The following PTK2 variants were observed in gnomAD, a reference collection of about 807,000 sequenced individuals.
PTK2 encodes focal adhesion kinase 1.
A neutral mutation model predicts 150.1 loss-of-function variants in PTK2; 45 were observed. The observed-to-expected ratio is 0.30, with a 90% CI of 0.24 to 0.38. The LOEUF (loss-of-function observed/expected upper bound fraction) is 0.38. Ranked by LOEUF, PTK2 falls within the 10% of genes least tolerant of loss-of-function variation. PTK2 has a pLI of 1.00. For missense variants in PTK2, 919 were observed against 1,307.3 expected (o/e 0.70, Z 4.58); for synonymous variants, 432 against 449.2 (o/e 0.96, Z 0.48).
chr8:140,974,881 G>A (rs2100188700), intron 1 of PTK2, among the ~76,000 whole-genome samples: 1 of 151,938 alleles, frequency 6.6e-6, no homozygotes, highest in South Asian at 2.1e-4. Context: ...AAAAAATTAA[G>A]AGCAAAAAGA....
At chr8:140,957,150 T>C (rs552066976) in intron 1 of PTK2, among the ~76,000 whole-genome samples, 9 of 152,208 alleles carry the variant, frequency 5.9e-5, no homozygotes, top group South Asian at 2.1e-4. Context: ...AAAGAAAATA[T>C]TGGCTAGGTG....
At chr8:140,669,340 T>TATATACATATATATATATATAC (rs1377363515) in intron 29 of PTK2, 2 of 132,858 alleles carry the variant, frequency 1.5e-5, no homozygotes, top group African/African-American at 6.0e-5. Context: ...TATATATATA[T>TATATACATATATATATATATAC]ACACTTTTTA....
intron 12 of PTK2, among the ~76,000 whole-genome samples, chr8:140,798,277 T>C (rs1017630833): frequency 6.6e-6 from 1 of 152,186 alleles, no homozygotes; most frequent in Non-Finnish European, 1.5e-5. Context: ...TATAATCCAC[T>C]AAAGATGTTT....
chr8:140,685,952 C>T (rs1440382846), intron 27 of PTK2, among the ~76,000 whole-genome samples: 1 of 152,194 alleles, frequency 6.6e-6, no homozygotes, highest in Non-Finnish European at 1.5e-5. Flanking sequence ...CATCACAGCA[C>T]TGTTCACAAT....
At chr8:140,993,483 T>C (rs1257534047) in intron 1 of PTK2, among the ~76,000 whole-genome samples, 1 of 152,178 alleles carries the variant, frequency 6.6e-6, no homozygotes. Context: ...TAAAACAAAG[T>C]TTATGCCCTC....
chr8:140,761,837 T>C (rs2100069608), intron 15 of PTK2, among the ~76,000 whole-genome samples: 1 of 152,106 alleles, frequency 6.6e-6, no homozygotes, highest in South Asian at 2.1e-4. Flanking sequence ...ATTTCAAAGT[T>C]AGATGACTCA....
intron 1 of PTK2, among the ~76,000 whole-genome samples, chr8:140,935,040 T>C (rs143418382): frequency 2.9e-4 from 44 of 152,310 alleles, no homozygotes; most frequent in African/African-American, 9.9e-4. Flanking sequence ...AAGTTGTCAA[T>C]CAGAGGTTAA....
intron 10 of PTK2, among the ~76,000 whole-genome samples, chr8:140,818,032 C>T (rs922707812): frequency 2.4e-4 from 36 of 152,080 alleles, no homozygotes; most frequent in African/African-American, 8.2e-4. Flanking sequence ...GTAACAACCC[C>T]ATTCAGGTCT....
chr8:140,898,280 C>T (rs1439427891), intron 2 of PTK2, among the ~76,000 whole-genome samples: 7 of 152,176 alleles, frequency 4.6e-5, no homozygotes, highest in African/African-American at 7.2e-5. Context: ...CTTATCTTGT[C>T]CTAGGCTGTT....
intron 26 of PTK2, among the ~76,000 whole-genome samples, chr8:140,689,736 G>A (rs2100022022): frequency 1.3e-5 from 2 of 152,160 alleles, no homozygotes; most frequent in African/African-American, 4.8e-5. Context: ...GTTAACAACT[G>A]GAGACTCTAG....
At chr8:140,749,617 T>C (rs1297495302) in intron 17 of PTK2, among the ~76,000 whole-genome samples, 1 of 152,236 alleles carries the variant, frequency 6.6e-6, no homozygotes, top group Non-Finnish European at 1.5e-5. Context: ...GTCCTGTCTG[T>C]GGATGTACAA....
At chr8:140,829,067 G>A (rs1240020038) in intron 8 of PTK2, among the ~76,000 whole-genome samples, 1 of 152,144 alleles carries the variant, frequency 6.6e-6, no homozygotes, top group East Asian at 1.9e-4. Flanking sequence ...ATAATTCACT[G>A]TAGTATTTCA....
At chr8:140,687,106 C>CGGCG in intron 26 of PTK2, 1 of 183,194 alleles carries the variant, frequency 5.5e-6, no homozygotes, top group Non-Finnish European at 1.1e-5. Flanking sequence ...AGTTCAATTA[C>CGGCG]AAGACTGTTT....
intron 14 of PTK2, among the ~76,000 whole-genome samples, chr8:140,778,969 G>C (rs2100080023): frequency 6.6e-6 from 1 of 152,040 alleles, no homozygotes; most frequent in South Asian, 2.1e-4. Context: ...ATGGAGAGAA[G>C]AGGTGCTGGG....
chr8:140,879,338 G>A (rs921450900), intron 4 of PTK2, 133 bp downstream of exon 4: 46 of 956,900 alleles, frequency 4.8e-5, no homozygotes, highest in East Asian at 2.8e-4. Flanking sequence ...AATTACTAAC[G>A]AATTTTATTT....
At chr8:140,698,924 A>ATTTTTTTTT (rs10713722) in intron 26 of PTK2, among the ~76,000 whole-genome samples, 195 of 95,874 alleles carry the variant, frequency 2.0e-3, no homozygotes, top group Middle Eastern at 6.8e-3. Context: ...TAATTTTTGT[A>ATTTTTTTTT]TTTTTTTTTT....
intron 1 of PTK2, among the ~76,000 whole-genome samples, chr8:140,932,268 G>A (rs1023755443): frequency 6.6e-6 from 1 of 152,008 alleles, no homozygotes; most frequent in Non-Finnish European, 1.5e-5. Context: ...AGGCTGGAGT[G>A]CAGTAGTGCA....
At chr8:140,996,131 T>C (rs929647371) in intron 1 of PTK2, among the ~76,000 whole-genome samples, 1 of 152,218 alleles carries the variant, frequency 6.6e-6, no homozygotes, top group East Asian at 1.9e-4. Context: ...ATTGTTGATA[T>C]GGAGAAAGTT....
At chr8:140,720,022 A>G (rs2100042039) in intron 22 of PTK2, among the ~76,000 whole-genome samples, 3 of 152,116 alleles carry the variant, frequency 2.0e-5, no homozygotes, top group Admixed American at 6.5e-5. Flanking sequence ...CTAGCTGCAG[A>G]ACTAAGCGGG....
Sources: gnomAD v4.1 joint callset for allele counts (sites outside exome capture counted in the v4.1 genomes callset) on GRCh38, gnomAD v4.1.1 for gene constraint, MANE v1.5 for transcripts, NCBI Gene and HGNC (gene_info 2026-07-23, HGNC 2026-07-21) for gene names.